ABCA6: variants seen among roughly 807,000 people sequenced by gnomAD.
ABCA6 encodes the protein ATP-binding cassette sub-family A member 6.
A neutral mutation model predicts 191.2 loss-of-function variants in ABCA6; 164 were observed. The observed-to-expected ratio is 0.86, with a 90% CI of 0.76 to 0.98. ABCA6 has a LOEUF of 0.98. ABCA6 is among the 50% of genes least tolerant of loss of function. The pLI is 0.00. For missense variants in ABCA6, 1,958 were observed against 1,894.1 expected (o/e 1.03, Z -0.63); for synonymous variants, 636 against 647.7 (o/e 0.98, Z 0.27).
intron 8 of ABCA6, 136 bp from the exon 9 acceptor site, chr17:69,125,171 A>G (rs2073727316): frequency 1.1e-5 from 4 of 364,594 alleles, no homozygotes; most frequent in East Asian, 4.3e-5. Context: ...ATAAATAAGT[A>G]AATAAAGGTA....
At chr17:69,088,794 C>T (rs1398258968) in intron 27 of ABCA6, among the ~76,000 whole-genome samples, 1 of 152,114 alleles carries the variant, frequency 6.6e-6, no homozygotes, top group African/African-American at 2.4e-5. Context: ...TCGCTTTATC[C>T]CATGACTTCT....
At chr17:69,121,971 G>A (rs992467403) in intron 10 of ABCA6, among the ~76,000 whole-genome samples, 6 of 152,024 alleles carry the variant, frequency 3.9e-5, no homozygotes, top group African/African-American at 1.2e-4. Flanking sequence ...ACTAGATGGA[G>A]GAAGCTTAGG....
At chr17:69,084,584 A>G (rs911156855) in intron 32 of ABCA6, 77 bp from the exon 33 acceptor site, 21 of 1,252,380 alleles carry the variant, frequency 1.7e-5, no homozygotes, top group African/African-American at 4.4e-5. Flanking sequence ...CAGTAACAGC[A>G]TTAGAGGGAA....
chr17:69,132,296 T>G (rs1437554012), intron 6 of ABCA6, among the ~76,000 whole-genome samples: 4 of 152,100 alleles, frequency 2.6e-5, no homozygotes, highest in Non-Finnish European at 5.9e-5. Context: ...AATGTTATAT[T>G]TCTTTTGGGG....
chr17:69,127,987 AAG>A (rs2073783983), intron 8 of ABCA6, among the ~76,000 whole-genome samples: 2 of 152,278 alleles, frequency 1.3e-5, no homozygotes, highest in African/African-American at 2.4e-5. Context: ...TGAATGAAAA[AAG>A]AGATTTTCAA....
In ABCA6 at chr17:69,105,502, G is replaced by A. The variant is rs763683526; in HGVS notation, c.2700C>T (p.Pro900=). 8.7e-6 allele frequency: 14 copies of A among 1,610,644 alleles called. No homozygotes were observed. Among genetic ancestry groups the A allele is most frequent in the Non-Finnish European group, 1.1e-5 (13 of 1,179,284 alleles). ...ELYFLSPGQL[P]QEPRTSLLII... Reference sequence around the variant, plus strand: ...TCAACAGGCTGGTACGGGGTTCCTGGGGAAGTTGTCCAGGAGAGAGAAAAT... The same window carrying A: ...TCAACAGGCTGGTACGGGGTTCCTGAGGAAGTTGTCCAGGAGAGAGAAAAT... Residue 900 remains proline (P), a synonymous_variant, in exon 20 of 39, where the codon CCC becomes CCT. Coordinates refer to ENST00000284425, the MANE Select transcript of ABCA6 (RefSeq NM_080284.3).
chr17:69,118,697 AT>A (rs1363619678), intron 10 of ABCA6, among the ~76,000 whole-genome samples: 1 of 152,002 alleles, frequency 6.6e-6, no homozygotes, highest in African/African-American at 2.4e-5. Context: ...ATTTTTCTAA[AT>A]GTTCCTTCTC....
chr17:69,122,777 TAAAC>T (rs2073673737), intron 10 of ABCA6, among the ~76,000 whole-genome samples: 1 of 151,894 alleles, frequency 6.6e-6, no homozygotes, highest in Non-Finnish European at 1.5e-5. Flanking sequence ...ACAGAGCTGA[TAAAC>T]AAGGAGGATT....
chr17:69,096,270 G>GT lies in ABCA6; in HGVS notation c.3377dup (p.Asn1126LysfsTer26). The stretch of plus-strand genomic sequence containing the variant: ...AGAAGTAAAATGACCAAAGGCCACT[G>GT]TTTTTTCTCCTTTTGCGAAAAATAA... On this transcript the variant is annotated frameshift_variant, in exon 25 of 39. Transcript: ENST00000284425. LOFTEE classifies it high-confidence loss of function. 2 of 1,521,478 alleles carry GT rather than the reference G, an allele frequency of 1.3e-6. No homozygotes were observed. Among genetic ancestry groups the GT allele is most frequent in the South Asian group, 2.7e-5 (2 of 75,396 alleles). The allele number at this position is 1,521,478 out of a possible 1,614,324, so 94.2% of individuals were successfully genotyped here.
At chr17:69,109,544 G>C (rs953816266) in intron 17 of ABCA6, 1 of 152,140 alleles carries the variant, frequency 6.6e-6, no homozygotes, top group Non-Finnish European at 1.5e-5. Flanking sequence ...CTTATCTACA[G>C]TTTCATTTTC....
chr17:69,113,183 A>G (rs763180838), intron 15 of ABCA6, 39 bp downstream of exon 15: 26 of 1,576,896 alleles, frequency 1.6e-5, no homozygotes, highest in Non-Finnish European at 2.1e-5. Context: ...AAATTCCCCA[A>G]TTGCATCATG....
In ABCA6 at chr17:69,137,161, C is replaced by A; in HGVS notation, c.301+135G>T. 4 of 835,762 alleles carry A rather than the reference C, an allele frequency of 4.8e-6. No individual in the cohort carries two copies. In the South Asian group the frequency reaches 7.9e-5, roughly 16 times the overall value. 51.8% of individuals were successfully genotyped at this position (835,762 alleles called of 1,614,324 possible). A position where few individuals can be genotyped will look rare whatever the true frequency, so the allele number is the denominator to read the frequency against. On this transcript the variant is annotated intron_variant, in intron 3 of 38. Transcript: ENST00000284425. ...TTGTGAGAGAAAGCAATAATCTAAC[C>A]AGATTTGTATGCTATTTTAGTACTT...
intron 17 of ABCA6, 81 bp downstream of exon 17, chr17:69,110,720 A>G (rs2073405537): frequency 2.0e-6 from 3 of 1,463,476 alleles, no homozygotes. Flanking sequence ...GTCTAAATTC[A>G]TTGGACAAAG....
At chr17:69,115,322 T>A in intron 12 of ABCA6, 54 bp downstream of exon 12, 1 of 1,327,494 alleles carries the variant, frequency 7.5e-7, no homozygotes, top group Non-Finnish European at 1.1e-6. Context: ...GGCATATGCT[T>A]GACCTCATTC....
At chr17:69,086,345 T>C (rs982809467) in intron 30 of ABCA6, among the ~76,000 whole-genome samples, 6 of 152,082 alleles carry the variant, frequency 3.9e-5, no homozygotes, top group African/African-American at 1.2e-4. Flanking sequence ...TATGGATGCA[T>C]TCACTGGCCT....
In ABCA6 at chr17:69,113,332, C is replaced by T. The variant is rs1483579328; in HGVS notation, c.1931G>A (p.Gly644Glu). The T allele has an allele frequency of 1.9e-6, 3 of 1,591,940 alleles. No individual in the cohort carries two copies. In the South Asian group the frequency reaches 3.5e-5, roughly 18 times the overall value. The change falls in exon 15 of 39, where the codon GGA becomes GAA. Residue 644 changes from glycine (G) to glutamate (E), a missense_variant. Transcript: ENST00000284425. ...TTGATCTCTGGAAAAGGGATCCAAT[C>T]CAGTAGTTGGTTCATCTAAAAGCAA... ...QILLLDEPTT[G>E]LDPFSRDQVW...
chr17:69,132,890 ATG>A (rs899891619), intron 6 of ABCA6, among the ~76,000 whole-genome samples: 2 of 152,188 alleles, frequency 1.3e-5, no homozygotes, highest in South Asian at 2.1e-4. Context: ...GTGTACATAT[ATG>A]TGTGTATGTA....
rs1441245391 is a variant in ABCA6, at chr17:69,091,773, C to T, written c.3409-511G>A. Among the ~76,000 whole-genome samples the T allele has an allele frequency of 1.0e-4, 2 of 19,384 alleles. 1 individual carries two copies. The highest frequency in any genetic ancestry group is 7.9e-4 in the Admixed American group (2 of 2,534). 12.7% of individuals were successfully genotyped at this position (19,384 alleles called of 152,430 possible). ...TCCTGACCTCGTGATCCGCCCGCCT[C>T]GGCCTCCCAAAGTGCTGGGATTACA... On this transcript the variant is annotated intron_variant, in intron 25 of 38. Transcript: ENST00000284425.
chr17:69,087,742 C>T, intron 28 of ABCA6: 1 of 460,076 alleles, frequency 2.2e-6, no homozygotes, highest in Middle Eastern at 5.8e-4. Context: ...CTTTAAAATT[C>T]ATGTCACTCT....
Sources: allele counts gnomAD v4.1 joint callset (sites outside exome capture counted in the v4.1 genomes callset), GRCh38; gene constraint gnomAD v4.1.1; transcripts MANE v1.5; gene names NCBI Gene and HGNC (gene_info 2026-07-23, HGNC 2026-07-21).